Variants in LDLRAD4 observed in about 807,000 individuals in gnomAD.
The protein encoded by LDLRAD4 is low density lipoprotein receptor class A domain containing 4, also known as low-density lipoprotein receptor class A domain-containing protein 4.
LDLRAD4 carries 5 observed loss-of-function variants against 17.0 expected under a neutral mutation model. The ratio of observed to expected loss-of-function variants is 0.29; its 90% CI spans 0.15 to 0.62. LDLRAD4 has a LOEUF of 0.62. LDLRAD4 is among the 20% of genes least tolerant of loss of function. The probability of loss-of-function intolerance (pLI) is 0.84; values close to 1 mark genes in which losing one functional copy is unlikely to be tolerated. For missense variants in LDLRAD4, 340 were observed against 424.7 expected (o/e 0.80, Z 1.75); for synonymous variants, 168 against 171.8 (o/e 0.98, Z 0.17).
intron 2 of LDLRAD4, among the ~76,000 whole-genome samples, chr18:13,395,955 A>G (rs2086656789): frequency 6.6e-6 from 1 of 151,994 alleles, no homozygotes; most frequent in Non-Finnish European, 1.5e-5. Context: ...CCAGAGTCTC[A>G]TGGAGTCGTC....
chr18:13,642,732 AT>A (rs2042689193), intron 4 of LDLRAD4: 1 of 1,231,496 alleles, frequency 8.1e-7, no homozygotes, highest in African/African-American at 1.6e-5. Flanking sequence ...TTGGACAGTC[AT>A]CTTGAATGTA....
chr18:13,339,428 C>T (rs1211887078), intron 1 of LDLRAD4, among the ~76,000 whole-genome samples: 1 of 152,114 alleles, frequency 6.6e-6, no homozygotes, highest in Non-Finnish European at 1.5e-5. Context: ...GTCTCAATCT[C>T]TTGACCTTGT....
chr18:13,387,963 G>A (rs573233899), intron 2 of LDLRAD4, among the ~76,000 whole-genome samples: 2 of 152,166 alleles, frequency 1.3e-5, no homozygotes, highest in African/African-American at 4.8e-5. Context: ...GTTTGAAAAA[G>A]TGTTTGACAC....
rs541520789 is a variant in LDLRAD4, at chr18:13,536,994, T to C, written c.182-84123T>C. ...AATCCCATTTGGCCATGATGTATTA[T>C]TCCTTTTATATATTGTTAGATTCTG... On this transcript the variant is annotated intron_variant, in intron 3 of 5. Transcript: ENST00000359446. Among the ~76,000 whole-genome samples the C allele has an allele frequency of 3.9e-5, 6 of 152,374 alleles. No individual in the cohort carries two copies. In the South Asian group the frequency reaches 1.2e-3, roughly 32 times the overall value.
intron 1 of LDLRAD4, among the ~76,000 whole-genome samples, chr18:13,252,649 C>G (rs60158550): frequency 0.097 from 14,720 of 152,200 alleles, 864 homozygotes; most frequent in East Asian, 0.22. Context: ...CCCCACCATA[C>G]TGGGCACGGT....
intron 1 of LDLRAD4, among the ~76,000 whole-genome samples, chr18:13,355,479 A>C (rs925730366): frequency 3.3e-5 from 5 of 152,214 alleles, no homozygotes; most frequent in Non-Finnish European, 7.3e-5. Context: ...TAAAGTAATG[A>C]AATATTTGGG....
chr18:13,650,092 G>A, exon 6 of LDLRAD4: 1 of 398,690 alleles, frequency 2.5e-6, no homozygotes, highest in Non-Finnish European at 4.4e-6. Flanking sequence ...CACCGCTACA[G>A]ATCACAGAGA....
chr18:13,533,895 G>A (rs2094165560), intron 3 of LDLRAD4, among the ~76,000 whole-genome samples: 1 of 152,138 alleles, frequency 6.6e-6, no homozygotes, highest in African/African-American at 2.4e-5. Flanking sequence ...GACAAAAGGT[G>A]AAATAGAATG....
intron 3 of LDLRAD4, among the ~76,000 whole-genome samples, chr18:13,586,451 TC>T (rs2094936401): frequency 2.2e-5 from 3 of 134,862 alleles, no homozygotes; most frequent in East Asian, 4.5e-4. Context: ...CTCTGAGGGC[TC>T]TGAGTCACAG....
At chr18:13,296,690 T>C (rs1260438078) in intron 1 of LDLRAD4, among the ~76,000 whole-genome samples, 1 of 152,214 alleles carries the variant, frequency 6.6e-6, no homozygotes, top group East Asian at 1.9e-4. Context: ...AACAGCCTTT[T>C]ATTATTTAAT....
At chr18:13,458,999 G>A (rs56341656) in intron 3 of LDLRAD4, among the ~76,000 whole-genome samples, 41,989 of 151,992 alleles carry the variant, frequency 0.28, 6,392 homozygotes, top group Middle Eastern at 0.43. Context: ...TTCCCAACCT[G>A]TAGAACTGTA....
intron 1 of LDLRAD4, among the ~76,000 whole-genome samples, chr18:13,260,161 C>T (rs1174943814): frequency 2.0e-5 from 3 of 152,248 alleles, no homozygotes; most frequent in Non-Finnish European, 4.4e-5. Context: ...CCTGAGAGCA[C>T]ACTGTAACTT....
chr18:13,382,042 A>T (rs568193535), intron 1 of LDLRAD4, among the ~76,000 whole-genome samples: 38 of 152,286 alleles, frequency 2.5e-4, no homozygotes, highest in Admixed American at 2.0e-3. Context: ...TGGGGCCTGG[A>T]GCAGTCGCCA....
At chr18:13,500,421 T>G (rs1360789115) in intron 3 of LDLRAD4, among the ~76,000 whole-genome samples, 4 of 152,250 alleles carry the variant, frequency 2.6e-5, no homozygotes, top group African/African-American at 9.6e-5. Flanking sequence ...CACCTAACGC[T>G]GCTGCTCCCC....
intron 1 of LDLRAD4, among the ~76,000 whole-genome samples, chr18:13,270,389 G>A (rs2044464355): frequency 6.6e-6 from 1 of 151,900 alleles, no homozygotes; most frequent in African/African-American, 2.4e-5. Flanking sequence ...AAAAAGAAAA[G>A]GAAATGTAGA....
At chr18:13,511,387 C>T (rs1440420987) in intron 3 of LDLRAD4, among the ~76,000 whole-genome samples, 2 of 152,158 alleles carry the variant, frequency 1.3e-5, no homozygotes, top group Non-Finnish European at 2.9e-5. Context: ...TCTCGCACAC[C>T]TGTAATCCCA....
chr18:13,410,587 T>C (rs187250509), intron 2 of LDLRAD4, among the ~76,000 whole-genome samples: 1 of 152,340 alleles, frequency 6.6e-6, no homozygotes, highest in Admixed American at 6.5e-5. Context: ...CATTAATGGA[T>C]GGAAACATAG....
rs556902938 is a variant in LDLRAD4 at position 13,247,618 on chromosome 18, C to T, written c.-467+28630C>T. ...CCATTTTCAGCCATGTTCCGCTTGT[C>T]GTGTGAATGAAGGTGGTCTTAGTGA... On this transcript the variant is annotated intron_variant, in intron 1 of 5. Transcript: ENST00000399848. 5.9e-5 allele frequency among the ~76,000 whole-genome samples: 9 copies of T among 152,190 alleles called. No homozygotes were observed. In the South Asian group the frequency reaches 1.0e-3, roughly 18 times the overall value.
chr18:13,553,180 G>A (rs548597844), intron 3 of LDLRAD4, among the ~76,000 whole-genome samples: 5 of 152,184 alleles, frequency 3.3e-5, no homozygotes, highest in Non-Finnish European at 7.4e-5. Flanking sequence ...TATAGCTTGT[G>A]ATTTGTTCAG....
Sources: gnomAD v4.1 joint callset for allele counts (sites outside exome capture counted in the v4.1 genomes callset) on GRCh38, gnomAD v4.1.1 for gene constraint, MANE v1.5 for transcripts, NCBI Gene and HGNC (gene_info 2026-07-23, HGNC 2026-07-21) for gene names.